The following AARS1 variants were observed in gnomAD, a reference collection of about 807,000 sequenced individuals.
AARS1 encodes alanyl-tRNA synthetase 1.
In AARS1, 72 loss-of-function variants were observed where a neutral mutation model predicts 108.9. The ratio of observed to expected loss-of-function variants is 0.66; its 90% CI spans 0.55 to 0.80. The LOEUF (loss-of-function observed/expected upper bound fraction) is 0.80. Among genes scored for constraint, AARS1 ranks in the 30% least tolerant of loss-of-function variants. The probability of loss-of-function intolerance (pLI) is 0.00; values close to 1 mark genes in which losing one functional copy is unlikely to be tolerated. For missense variants in AARS1, 1,193 were observed against 1,233.2 expected, an observed-to-expected ratio of 0.97 and a Z score of 0.49; for synonymous variants, 489 against 465.7, an observed-to-expected ratio of 1.05 and a Z score of -0.64.
At chr16:70,254,493 A>G in intron 17 of AARS1, 128 bp downstream of exon 17, 1 of 730,134 alleles carries the variant, frequency 1.4e-6, no homozygotes. Flanking sequence ...GCTACAGGAC[A>G]ACAGAAGTCA....
intron 2 of AARS1, among the ~76,000 whole-genome samples, chr16:70,280,550 C>G (rs1960671464): frequency 6.6e-6 from 1 of 152,078 alleles, no homozygotes; most frequent in African/African-American, 2.4e-5. Flanking sequence ...GAAAAGACAC[C>G]TAAGAGAAAA....
chr16:70,279,350 CAAAAAAAAAAAAAA>C lies in AARS1; in HGVS notation c.145-2210_145-2197del, dbSNP rs57438636. ...GGGGTGACAGGGCAAAACTTCATCT[CAAAAAAAAAAAAAA>C]AAAAAAAAAAAAGGGCCAGGTGCGG... is the stretch of plus-strand genomic sequence containing the variant. On this transcript the variant is annotated intron_variant, in intron 2 of 20. Coordinates refer to ENST00000261772, the MANE Select transcript of AARS1 (RefSeq NM_001605.3). Among the ~76,000 whole-genome samples the C allele has an allele frequency of 1.1e-4, 4 of 37,798 alleles. No individual in the cohort carries two copies. In the Admixed American group the frequency reaches 1.2e-3, roughly 12 times the overall value. The allele number at this position is 37,798 out of a possible 152,430, so 24.8% of individuals were successfully genotyped here. A position where few individuals can be genotyped will look rare whatever the true frequency, so the allele number is the denominator to read the frequency against.
At chr16:70,271,497 C>T (rs1240039624) in intron 5 of AARS1, among the ~76,000 whole-genome samples, 2 of 151,288 alleles carry the variant, frequency 1.3e-5, no homozygotes, top group Non-Finnish European at 2.9e-5. Flanking sequence ...CATTGCACTC[C>T]AGCCTGGGTA....
intron 13 of AARS1, among the ~76,000 whole-genome samples, chr16:70,259,590 C>T (rs1960085267): frequency 6.6e-6 from 1 of 152,074 alleles, no homozygotes; most frequent in Admixed American, 6.6e-5. Flanking sequence ...TCAAGTGATC[C>T]TCTTGCCTCA....
intron 4 of AARS1, among the ~76,000 whole-genome samples, chr16:70,275,677 G>A (rs1960527165): frequency 1.3e-5 from 2 of 151,436 alleles, no homozygotes; most frequent in Non-Finnish European, 2.9e-5. Flanking sequence ...GCAGGAGAAT[G>A]GCGTGAACCT....
chr16:70,254,245 C>A, intron 17 of AARS1: 1 of 671,290 alleles, frequency 1.5e-6, no homozygotes, highest in Non-Finnish European at 2.6e-6. Context: ...AGCTGGGCTC[C>A]CAAATCAGGC....
Position 70,254,892 on chromosome 16 carries a change from C to A in AARS1, c.2287-158G>T, listed in dbSNP as rs117953939. ...GGGAGTAGGTGCTGGCAGCCCCAGG[C>A]CCCAGCAAGGAGCACAGTGCTCACA... On this transcript the variant is annotated intron_variant, in intron 16 of 20. Transcript: ENST00000261772. Among the ~76,000 whole-genome samples the A allele has an allele frequency of 8.1e-4, 123 of 152,316 alleles. 1 individual carries two copies. In the East Asian group the frequency reaches 0.021, roughly 26 times the overall value.
At chr16:70,274,389 T>C (rs1960486387) in intron 4 of AARS1, among the ~76,000 whole-genome samples, 1 of 151,638 alleles carries the variant, frequency 6.6e-6, no homozygotes, top group African/African-American at 2.4e-5. Context: ...TTCATTTCCA[T>C]AAGAAACAAA....
At chr16:70,262,995 A>AAAAAAAAAAC (rs1174659809) in intron 11 of AARS1, among the ~76,000 whole-genome samples, 19 of 128,672 alleles carry the variant, frequency 1.5e-4, no homozygotes, top group South Asian at 4.3e-4. Context: ...AAAAAAAAAA[A>AAAAAAAAAAC]AAACAACAAC....
intron 16 of AARS1, 114 bp downstream of exon 16, chr16:70,255,614 G>C (rs1159608523): frequency 1.0e-6 from 1 of 955,492 alleles, no homozygotes; most frequent in African/African-American, 1.6e-5. Context: ...GGCCCAGCCT[G>C]TACTTTCACT....
In AARS1 at chr16:70,270,360, A is replaced by G; in HGVS notation, c.672-20T>C. ...GCTTCCCTGTATGATCCAGAAGAAGAGGAGGTTGAAGCAGAGACTCAAGCT... is the reference window on the plus strand; with the variant it reads ...GCTTCCCTGTATGATCCAGAAGAAGGGGAGGTTGAAGCAGAGACTCAAGCT... On this transcript the variant is annotated intron_variant, in intron 5 of 20. Transcript: ENST00000261772. 6.2e-7 allele frequency: 1 copy of G among 1,614,144 alleles called. No homozygotes were observed. The highest frequency in any genetic ancestry group is 2.2e-5 in the East Asian group (1 of 44,880).
chr16:70,280,066 GCTTTAATTTTT>G (rs910864693), intron 2 of AARS1, among the ~76,000 whole-genome samples: 7 of 151,890 alleles, frequency 4.6e-5, no homozygotes, highest in South Asian at 4.2e-4. Flanking sequence ...TTTTTCTTTT[GCTTTAATTTTT>G]CTTTAATTTT....
At chr16:70,265,788 G>A (rs1960247785) in intron 9 of AARS1, 126 bp from the exon 10 acceptor site, 2 of 1,180,692 alleles carry the variant, frequency 1.7e-6, no homozygotes, top group African/African-American at 3.0e-5. Flanking sequence ...TCGGCCCTGT[G>A]TGCCCATCAG....
chr16:70,254,120 G>C (rs1959919527), intron 17 of AARS1, 82 bp from the exon 18 acceptor site: 1 of 1,584,224 alleles, frequency 6.3e-7, no homozygotes, highest in Non-Finnish European at 8.6e-7. Context: ...CCGAACCCAA[G>C]TCCTCCCTGA....
intron 7 of AARS1, 147 bp downstream of exon 7, chr16:70,269,471 T>C (rs1054657223): frequency 4.5e-5 from 53 of 1,172,420 alleles, no homozygotes; most frequent in African/African-American, 1.4e-4. Flanking sequence ...CAGGCAGAGG[T>C]TGCAGTGAGG....
chr16:70,263,897 G>A (rs891108804), intron 11 of AARS1, among the ~76,000 whole-genome samples: 1 of 152,032 alleles, frequency 6.6e-6, no homozygotes, highest in African/African-American at 2.4e-5. Context: ...CTGGCATCCC[G>A]AAGTGCTGGG....
At chr16:70,265,222 G>T in intron 10 of AARS1, 120 bp from the exon 11 acceptor site, 1 of 1,290,706 alleles carries the variant, frequency 7.7e-7, no homozygotes, top group Non-Finnish European at 1.1e-6. Flanking sequence ...TTCAATCCTG[G>T]CACTACTGAC....
chr16:70,269,322 G>GAAAAAAAAAAAAAAAAAAAAAAAAA (rs56394253), intron 7 of AARS1, among the ~76,000 whole-genome samples: 2 of 64,242 alleles, frequency 3.1e-5, no homozygotes, highest in Admixed American at 2.1e-4. Flanking sequence ...TTCTGTCTCA[G>GAAAAAAAAAAAAAAAAAAAAAAAAA]AAAAAAAAAA....
At chr16:70,264,875 A>G (rs1960226231) in intron 11 of AARS1, 83 bp downstream of exon 11, 1 of 1,564,512 alleles carries the variant, frequency 6.4e-7, no homozygotes, top group Admixed American at 1.7e-5. Context: ...TCTGCTGGAG[A>G]GCTAATCTTG....
Sources: gnomAD v4.1 joint callset for allele counts (sites outside exome capture counted in the v4.1 genomes callset) on GRCh38, gnomAD v4.1.1 for gene constraint, MANE v1.5 for transcripts, NCBI Gene and HGNC (gene_info 2026-07-23, HGNC 2026-07-21) for gene names.